Variants in RRAGA observed in about 807,000 individuals in gnomAD.
RRAGA encodes ras-related GTP-binding protein A.
Under a neutral mutation model 20.5 loss-of-function variants are expected in RRAGA, and 11 were observed. The observed-to-expected ratio is 0.54, with a 90% confidence interval of 0.34 to 0.89. The LOEUF (loss-of-function observed/expected upper bound fraction) is 0.89, where lower values mean the gene tolerates loss of function less well. Ranked by LOEUF, RRAGA falls within the 40% of genes least tolerant of loss-of-function variation. The pLI is 0.02. For missense variants in RRAGA, 214 were observed against 400.7 expected (o/e 0.53, Z 3.98); for synonymous variants, 184 against 155.4 (o/e 1.18, Z -1.37).
rs41268997 is a variant in RRAGA at position 19,050,325 on chromosome 9, G to C, written c.666G>C (p.Gln222His). The change falls in exon 1 of 1, where the codon CAG becomes CAC. Residue 222 changes from glutamine to histidine, a missense_variant. By Grantham distance (24) the Gln-to-His change is conservative. Coordinates refer to ENST00000380527, the MANE Select transcript of RRAGA (RefSeq NM_006570.5). The stretch of plus-strand genomic sequence containing the variant: ...TTTCCCACTACCAGTGCAAAGAGCA[G>C]CGCGACGTCCACCGGTTTGAGAAGA... ...LVISHYQCKE[Q>H]RDVHRFEKIS... 6.2e-7 allele frequency: 1 copy of C among 1,614,000 alleles called. No individual in the cohort carries two copies. Among genetic ancestry groups the C allele is most frequent in the Non-Finnish European group, 8.5e-7 (1 of 1,180,022 alleles).
In RRAGA at chr9:19,049,674, C is replaced by T; in HGVS notation, c.15C>T (p.Ala5=). 1 of 1,613,432 alleles carries T rather than the reference C, an allele frequency of 6.2e-7. No homozygotes were observed. Among genetic ancestry groups the T allele is most frequent in the Non-Finnish European group, 8.5e-7 (1 of 1,179,602 alleles). The change falls in exon 1 of 1, where the codon GCC becomes GCT. Residue 5 remains alanine, a synonymous_variant. Coordinates refer to ENST00000380527, the MANE Select transcript of RRAGA (RefSeq NM_006570.5). This position sits in a 1 kb window ranked among gnomAD's most constrained non-coding sequence, Gnocchi z 5.4. ...CCCGGCGGGTGATGCCAAATACAGC[C>T]ATGAAGAAAAAGGTGCTGCTGATGG... The part of the protein sequence containing the change: MPNT[A]MKKKVLLMGK...
rs1253026823 is a variant in RRAGA, at chr9:19,050,185, A to G, written c.526A>G (p.Ile176Val). The change falls in exon 1 of 1, where the codon ATC (isoleucine) becomes GTC (valine). Residue 176 changes from isoleucine to valine, a missense_variant. By Grantham distance (29) the Ile-to-Val change is conservative (BLOSUM62 3). Transcript: ENST00000380527. Reference sequence around the variant, plus strand: ...GACGCTCTACAAAGCCTGGTCCAGCATCGTCTACCAGCTGATTCCCAACGT... The same window carrying G: ...GACGCTCTACAAAGCCTGGTCCAGCGTCGTCTACCAGCTGATTCCCAACGT... ...DETLYKAWSS[I>V]VYQLIPNVQQ... is the part of the protein sequence containing the mutation. 6.2e-7 allele frequency: 1 copy of G among 1,614,182 alleles called. No homozygotes were observed. The highest frequency in any genetic ancestry group is 8.5e-7 in the Non-Finnish European group (1 of 1,180,032).
At position 19,050,114 on chromosome 9, in the gene RRAGA, C is replaced by T; in HGVS notation, c.455C>T (p.Ser152Phe). Residue 152 changes from serine (S) to phenylalanine (F), a missense_variant, in exon 1 of 1, where the codon TCT becomes TTT. This residue lies in a region of RRAGA where 88 missense variants were observed against 169.9 expected (regional missense o/e 0.52). Coordinates refer to ENST00000380527, the MANE Select transcript of RRAGA (RefSeq NM_006570.5). ...KEREEDLRRL[S>F]RPLECACFRT... is the part of the protein sequence containing the mutation. ...CGAGAGGAAGACCTGAGGCGTCTGT[C>T]TCGCCCGCTGGAGTGTGCTTGTTTT... 6.2e-7 allele frequency: 1 copy of T among 1,614,104 alleles called. No homozygotes were observed. The highest frequency in any genetic ancestry group is 8.5e-7 in the Non-Finnish European group (1 of 1,180,028).
rs753583904 is a variant in RRAGA, at chr9:19,049,588, G to T, written c.-72G>T. On this transcript the variant is annotated 5_prime_UTR_variant, in exon 1 of 1. Transcript: ENST00000380527. The surrounding 1 kb of genome is among the most constrained non-coding windows in gnomAD (Gnocchi z 5.4). The stretch of plus-strand genomic sequence containing the variant: ...AGGCGCGGCCTGCGAGTCCCCGGCA[G>T]CCCCCGACCCCTCCCTCGGCGCTGC... 1.9e-5 allele frequency: 23 copies of T among 1,191,402 alleles called. No homozygotes were observed. Among genetic ancestry groups the T allele is most frequent in the Non-Finnish European group, 2.6e-5 (22 of 856,140 alleles). 73.8% of individuals were successfully genotyped at this position (1,191,402 alleles called of 1,614,324 possible). A position where few individuals can be genotyped will look rare whatever the true frequency, so the allele number is the denominator to read the frequency against.
chr9:19,050,881 C>G lies in RRAGA; in HGVS notation c.*280C>G, dbSNP rs909219801. ...TCATTACCTGGTTATGATAGATATG[C>G]ACATCAAAGCCTTTACCAGTATCTT... On this transcript the variant is annotated 3_prime_UTR_variant, in exon 1 of 1. Transcript: ENST00000380527. 24 of 378,530 alleles carry G rather than the reference C, an allele frequency of 6.3e-5. No individual in the cohort carries two copies. Among genetic ancestry groups the G allele is most frequent in the Non-Finnish European group, 1.1e-4 (22 of 197,458 alleles). 23.4% of individuals were successfully genotyped at this position (378,530 alleles called of 1,614,324 possible).
Position 19,049,827 on chromosome 9 carries a change from G to A in RRAGA, c.168G>A (p.Leu56=), listed in dbSNP as rs202118774. The change falls in exon 1 of 1, where the codon CTG becomes CTA. Residue 56 remains leucine, a synonymous_variant. Transcript: ENST00000380527. The surrounding 1 kb of genome is among the most constrained non-coding windows in gnomAD (Gnocchi z 5.4). Reference sequence around the variant, plus strand: ...CCCACGTCCGATTCCTAGGGAACCTGGTGCTGAACCTGTGGGACTGTGGCG... The same window carrying A: ...CCCACGTCCGATTCCTAGGGAACCTAGTGCTGAACCTGTGGGACTGTGGCG... The part of the protein sequence containing the change: ...EHSHVRFLGN[L]VLNLWDCGGQ... The A allele has an allele frequency of 3.6e-5, 58 of 1,614,072 alleles. No homozygotes were observed. The highest frequency in any genetic ancestry group is 1.5e-5 in the Non-Finnish European group (18 of 1,180,054).
chr9:19,049,622 C>A lies in RRAGA; in HGVS notation c.-38C>A. On this transcript the variant is annotated 5_prime_UTR_variant, in exon 1 of 1. Transcript: ENST00000380527. The surrounding 1 kb of genome is among the most constrained non-coding windows in gnomAD (Gnocchi z 5.4). Reference sequence around the variant, plus strand: ...CCCTCCCTCGGCGCTGCGTGTAGGCCGCGCCCTCAGGCCCAGTCCGCGGTG... The same window carrying A: ...CCCTCCCTCGGCGCTGCGTGTAGGCAGCGCCCTCAGGCCCAGTCCGCGGTG... 4.6e-6 allele frequency: 7 copies of A among 1,521,398 alleles called. No individual in the cohort carries two copies. Among genetic ancestry groups the A allele is most frequent in the Non-Finnish European group, 6.3e-6 (7 of 1,116,224 alleles). The allele number at this position is 1,521,398 out of a possible 1,614,324, so 94.2% of individuals were successfully genotyped here.
chr9:19,050,544 A>G lies in RRAGA; in HGVS notation c.885A>G (p.Lys295=), dbSNP rs1836328884. ...ATLINIRNAR[K]HFEKLERVDG... is the part of the protein sequence containing the mutation. ...TGATCAACATTCGCAATGCCCGGAA[A>G]CACTTTGAGAAGCTGGAGAGAGTGG... The change falls in exon 1 of 1, where the codon AAA becomes AAG. Residue 295 remains lysine, a synonymous_variant. Coordinates refer to ENST00000380527, the MANE Select transcript of RRAGA (RefSeq NM_006570.5). The G allele has an allele frequency of 6.2e-7, 1 of 1,614,232 alleles. No individual in the cohort carries two copies. Among genetic ancestry groups the G allele is most frequent in the East Asian group, 2.2e-5 (1 of 44,896 alleles).
Position 19,050,015 on chromosome 9 carries a change from A to G in RRAGA, c.356A>G (p.Asp119Gly). The change falls in exon 1 of 1, where the codon GAC becomes GGC. Residue 119 changes from aspartate to glycine, a missense_variant. This residue lies in a region of RRAGA where 88 missense variants were observed against 169.9 expected (regional missense o/e 0.52). Transcript: ENST00000380527. ...CLEAILQNSP[D>G]AKIFCLVHKM... ...GAGGCCATCCTCCAGAACTCTCCTG[A>G]CGCCAAAATCTTCTGCCTGGTGCAC... The G allele has an allele frequency of 6.2e-7, 1 of 1,614,190 alleles. No individual in the cohort carries two copies. The highest frequency in any genetic ancestry group is 8.5e-7 in the Non-Finnish European group (1 of 1,180,038).
In RRAGA at chr9:19,050,969, T is replaced by G. The variant is rs1349493365; in HGVS notation, c.*368T>G. The G allele has an allele frequency of 5.2e-6, 1 of 192,078 alleles. No individual in the cohort carries two copies. The highest frequency in any genetic ancestry group is 1.2e-5 in the Non-Finnish European group (1 of 82,500). 11.9% of individuals were successfully genotyped at this position (192,078 alleles called of 1,614,324 possible). ...CTATTTTATCAGCAAGGTATTAAAA[T>G]GCATTTATAAATTCTTCTTGGCTTC... On this transcript the variant is annotated 3_prime_UTR_variant, in exon 1 of 1. Coordinates refer to ENST00000380527, the MANE Select transcript of RRAGA (RefSeq NM_006570.5).
In RRAGA at chr9:19,050,934, C is replaced by G. The variant is rs868844972; in HGVS notation, c.*333C>G. On this transcript the variant is annotated 3_prime_UTR_variant, in exon 1 of 1. Coordinates refer to ENST00000380527, the MANE Select transcript of RRAGA (RefSeq NM_006570.5). ...TGTATTCCGTATCAGATTGCAAAGACGGAATGTTACTATTTTATCAGCAAG... is the reference window on the plus strand; with the variant it reads ...TGTATTCCGTATCAGATTGCAAAGAGGGAATGTTACTATTTTATCAGCAAG... 8 of 227,374 alleles carry G rather than the reference C, an allele frequency of 3.5e-5. 1 individual carries two copies. In the Middle Eastern group the frequency reaches 7.5e-3, roughly 212 times the overall value. The allele number at this position is 227,374 out of a possible 1,614,324, so 14.1% of individuals were successfully genotyped here.
Position 19,050,670 on chromosome 9 carries a change from T to A in RRAGA, c.*69T>A, listed in dbSNP as rs892192532. 6.9e-7 allele frequency: 1 copy of A among 1,450,738 alleles called. No homozygotes were observed. The highest frequency in any genetic ancestry group is 1.4e-5 in the African/African-American group (1 of 71,278). 89.9% of individuals were successfully genotyped at this position (1,450,738 alleles called of 1,614,324 possible). ...TGTTTGCATCCTTTATTTTTAATATTCATAATGTCGTGTGCTTAAAAGTGG... is the reference window on the plus strand; with the variant it reads ...TGTTTGCATCCTTTATTTTTAATATACATAATGTCGTGTGCTTAAAAGTGG... On this transcript the variant is annotated 3_prime_UTR_variant, in exon 1 of 1. Coordinates refer to ENST00000380527, the MANE Select transcript of RRAGA (RefSeq NM_006570.5).
Position 19,049,782 on chromosome 9 carries a change from C to A in RRAGA, c.123C>A (p.Ala41=), listed in dbSNP as rs758556481. Residue 41 remains alanine, a synonymous_variant, in exon 1 of 1, where the codon GCC becomes GCA. Coordinates refer to ENST00000380527, the MANE Select transcript of RRAGA (RefSeq NM_006570.5). This position sits in a 1 kb window ranked among gnomAD's most constrained non-coding sequence, Gnocchi z 5.4. Reference sequence around the variant, plus strand: ...CTCGCGACACCCGGCGCCTGGGGGCCACCATTGACGTGGAACACTCCCACG... The same window carrying A: ...CTCGCGACACCCGGCGCCTGGGGGCAACCATTGACGTGGAACACTCCCACG... The part of the protein sequence containing the change: ...YIARDTRRLG[A]TIDVEHSHVR... The A allele has an allele frequency of 2.7e-5, 43 of 1,614,044 alleles. No individual in the cohort carries two copies. The highest frequency in any genetic ancestry group is 2.2e-5 in the Non-Finnish European group (26 of 1,180,038).
chr9:19,049,615 T>G lies in RRAGA; in HGVS notation c.-45T>G. 3.4e-6 allele frequency: 5 copies of G among 1,480,880 alleles called. No homozygotes were observed. Among genetic ancestry groups the G allele is most frequent in the South Asian group, 1.2e-5 (1 of 80,556 alleles). 91.7% of individuals were successfully genotyped at this position (1,480,880 alleles called of 1,614,324 possible). On this transcript the variant is annotated 5_prime_UTR_variant, in exon 1 of 1. Coordinates refer to ENST00000380527, the MANE Select transcript of RRAGA (RefSeq NM_006570.5). This position sits in a 1 kb window ranked among gnomAD's most constrained non-coding sequence, Gnocchi z 5.4. Reference sequence around the variant, plus strand: ...CCCCGACCCCTCCCTCGGCGCTGCGTGTAGGCCGCGCCCTCAGGCCCAGTC... The same window carrying G: ...CCCCGACCCCTCCCTCGGCGCTGCGGGTAGGCCGCGCCCTCAGGCCCAGTC...
Position 19,049,597 on chromosome 9 carries a change from C to T in RRAGA, c.-63C>T, listed in dbSNP as rs887851464. On this transcript the variant is annotated 5_prime_UTR_variant, in exon 1 of 1. Transcript: ENST00000380527. The surrounding 1 kb of genome is among the most constrained non-coding windows in gnomAD (Gnocchi z 5.4). The stretch of plus-strand genomic sequence containing the variant: ...CTGCGAGTCCCCGGCAGCCCCCGAC[C>T]CCTCCCTCGGCGCTGCGTGTAGGCC... 2.3e-6 allele frequency: 3 copies of T among 1,296,968 alleles called. No homozygotes were observed. Among genetic ancestry groups the T allele is most frequent in the South Asian group, 1.4e-5 (1 of 70,654 alleles). The allele number at this position is 1,296,968 out of a possible 1,614,324, so 80.3% of individuals were successfully genotyped here.
rs2233802 is a variant in RRAGA, at chr9:19,049,598, C to A, written c.-62C>A. ...TGCGAGTCCCCGGCAGCCCCCGACC[C>A]CTCCCTCGGCGCTGCGTGTAGGCCG... On this transcript the variant is annotated 5_prime_UTR_variant, in exon 1 of 1. Transcript: ENST00000380527. This position sits in a 1 kb window ranked among gnomAD's most constrained non-coding sequence, Gnocchi z 5.4. 0.16 allele frequency: 213,433 copies of A among 1,307,996 alleles called. 20,739 individuals carry two copies. Among genetic ancestry groups the A allele is most frequent in the African/African-American group, 0.44 (29,744 of 67,650 alleles). 81.0% of individuals were successfully genotyped at this position (1,307,996 alleles called of 1,614,324 possible). A position where few individuals can be genotyped will look rare whatever the true frequency, so the allele number is the denominator to read the frequency against.
chr9:19,050,151 C>T lies in RRAGA; in HGVS notation c.492C>T (p.Ile164=). Residue 164 remains isoleucine (I), a synonymous_variant, in exon 1 of 1, where the codon ATC becomes ATT. Coordinates refer to ENST00000380527, the MANE Select transcript of RRAGA (RefSeq NM_006570.5). The part of the protein sequence containing the change: ...PLECACFRTS[I]WDETLYKAWS... ...AGTGTGCTTGTTTTCGAACGTCCAT[C>T]TGGGATGAGACGCTCTACAAAGCCT... is the stretch of plus-strand genomic sequence containing the variant. The T allele has an allele frequency of 6.2e-7, 1 of 1,614,118 alleles. No homozygotes were observed.
At position 19,049,508 on chromosome 9, in the gene RRAGA, C is replaced by G; in HGVS notation, c.-152C>G. Reference sequence around the variant, plus strand: ...CAGCCCGTCCGCGGCCTCTCCAGCCCCGGGTTCGCGCTCTCGACTCTCCTG... The same window carrying G: ...CAGCCCGTCCGCGGCCTCTCCAGCCGCGGGTTCGCGCTCTCGACTCTCCTG... On this transcript the variant is annotated 5_prime_UTR_variant, in exon 1 of 1. Coordinates refer to ENST00000380527, the MANE Select transcript of RRAGA (RefSeq NM_006570.5). The surrounding 1 kb of genome is among the most constrained non-coding windows in gnomAD (Gnocchi z 5.4). 1 of 602,962 alleles carries G rather than the reference C, an allele frequency of 1.7e-6. No homozygotes were observed. Among genetic ancestry groups the G allele is most frequent in the Non-Finnish European group, 2.8e-6 (1 of 359,488 alleles). 37.4% of individuals were successfully genotyped at this position (602,962 alleles called of 1,614,324 possible). A position where few individuals can be genotyped will look rare whatever the true frequency, so the allele number is the denominator to read the frequency against.
Position 19,050,011 on chromosome 9 carries a change from C to G in RRAGA, c.352C>G (p.Pro118Ala), listed in dbSNP as rs924116761. 6.2e-7 allele frequency: 1 copy of G among 1,614,164 alleles called. No individual in the cohort carries two copies. Among genetic ancestry groups the G allele is most frequent in the East Asian group, 2.2e-5 (1 of 44,878 alleles). ...SCLEAILQNS[P>A]DAKIFCLVHK... ...TCTGGAGGCCATCCTCCAGAACTCT[C>G]CTGACGCCAAAATCTTCTGCCTGGT... is the stretch of plus-strand genomic sequence containing the variant. Residue 118 changes from proline (P) to alanine (A), a missense_variant, in exon 1 of 1, where the codon CCT becomes GCT. By Grantham distance (27) the Pro-to-Ala change is conservative. Coordinates refer to ENST00000380527, the MANE Select transcript of RRAGA (RefSeq NM_006570.5).
Sources: gnomAD v4.1 joint callset for allele counts on GRCh38, gnomAD v4.1.1 for gene constraint, gnomAD v4.1.1 regional missense constraint, Gnocchi (gnomAD v3.1) non-coding constraint, MANE v1.5 for transcripts, NCBI Gene and HGNC (gene_info 2026-07-23, HGNC 2026-07-21) for gene names.